Variants in NCK2 observed in about 807,000 individuals in gnomAD.
The protein encoded by NCK2 is cytoplasmic protein NCK2.
A neutral mutation model predicts 33.9 loss-of-function variants in NCK2; 16 were observed. The ratio of observed to expected loss-of-function variants is 0.47; its 90% CI spans 0.32 to 0.72. The LOEUF (loss-of-function observed/expected upper bound fraction) is 0.72, where lower values mean the gene tolerates loss of function less well. Among genes scored for constraint, NCK2 ranks in the 30% least tolerant of loss-of-function variants. The probability of loss-of-function intolerance (pLI) is 0.03; values close to 1 mark genes in which losing one functional copy is unlikely to be tolerated. For missense variants in NCK2, 418 were observed against 537.3 expected (o/e 0.78, Z 2.19); for synonymous variants, 273 against 239.9 (o/e 1.14, Z -1.27).
rs754745928 is a variant in NCK2, at chr2:105,871,099, G to A, written c.227-10229G>A. On this transcript the variant is annotated intron_variant, in intron 3 of 4. Transcript: ENST00000233154. ...ACAGGCCTGGAGGGTCGATGAGTGC[G>A]TGTGAAATCGGGGTGATGAGACAGC... Among the ~76,000 whole-genome samples the A allele has an allele frequency of 4.6e-5, 7 of 152,134 alleles. No individual in the cohort carries two copies. In the East Asian group the frequency reaches 5.8e-4, roughly 13 times the overall value.
chr2:105,879,669 C>T (rs1205396213), intron 3 of NCK2, among the ~76,000 whole-genome samples: 1 of 152,250 alleles, frequency 6.6e-6, no homozygotes, highest in Non-Finnish European at 1.5e-5. Flanking sequence ...CTCCTGGCGC[C>T]GCGTGGGCAC....
chr2:105,812,760 C>T (rs893482158), intron 1 of NCK2, among the ~76,000 whole-genome samples: 3 of 147,768 alleles, frequency 2.0e-5, no homozygotes, highest in African/African-American at 7.6e-5. Flanking sequence ...TTATGATACA[C>T]ACCCGAGTCC....
chr2:105,885,489 T>C (rs1378763644), intron 4 of NCK2, among the ~76,000 whole-genome samples: 1 of 152,242 alleles, frequency 6.6e-6, no homozygotes, highest in East Asian at 1.9e-4. Context: ...AAAACTCTAT[T>C]TTCAGGCAAT....
intron 2 of NCK2, among the ~76,000 whole-genome samples, chr2:105,851,419 A>G (rs1243764412): frequency 6.6e-6 from 1 of 151,860 alleles, no homozygotes; most frequent in Non-Finnish European, 1.5e-5. Context: ...GCGTGCCACC[A>G]CCCCCGGCTG....
chr2:105,804,527 AG>A (rs1229989126), intron 1 of NCK2, among the ~76,000 whole-genome samples: 5 of 152,240 alleles, frequency 3.3e-5, no homozygotes. Flanking sequence ...ATATTCAGAC[AG>A]AAATGGCTTA....
intron 2 of NCK2, among the ~76,000 whole-genome samples, chr2:105,854,243 A>G (rs1483357217): frequency 1.3e-5 from 2 of 152,158 alleles, no homozygotes; most frequent in African/African-American, 4.8e-5. Context: ...CAGTTTATGT[A>G]TCTATAAACT....
intron 1 of NCK2, among the ~76,000 whole-genome samples, chr2:105,792,428 T>C (rs1690919222): frequency 6.6e-6 from 1 of 152,238 alleles, no homozygotes; most frequent in Non-Finnish European, 1.5e-5. Context: ...CATCAATTCC[T>C]GTCCTGTAAA....
At chr2:105,774,011 C>CTTTTT (rs34519484) in intron 1 of NCK2, among the ~76,000 whole-genome samples, 1 of 142,616 alleles carries the variant, frequency 7.0e-6, no homozygotes. Context: ...TTCCAGCTAT[C>CTTTTT]TTTTTTTTTT....
At chr2:105,747,748 A>G (rs1481667302) in intron 1 of NCK2, among the ~76,000 whole-genome samples, 2 of 152,254 alleles carry the variant, frequency 1.3e-5, no homozygotes, top group African/African-American at 4.8e-5. Context: ...TCTGTTTCCT[A>G]AAATGAGTGA....
chr2:105,749,212 AAGTT>A (rs1689378231), intron 1 of NCK2, among the ~76,000 whole-genome samples: 1 of 152,192 alleles, frequency 6.6e-6, no homozygotes, highest in South Asian at 2.1e-4. Context: ...CTGGCCTGGT[AAGTT>A]AGTTATTTGT....
At chr2:105,872,302 G>A (rs1678047665) in intron 3 of NCK2, among the ~76,000 whole-genome samples, 1 of 152,166 alleles carries the variant, frequency 6.6e-6, no homozygotes, top group Non-Finnish European at 1.5e-5. Context: ...GGCCTGCCCT[G>A]TGCCCTTGCT....
At chr2:105,848,807 GAT>G (rs1248481534) in intron 2 of NCK2, among the ~76,000 whole-genome samples, 1 of 152,144 alleles carries the variant, frequency 6.6e-6, no homozygotes, top group East Asian at 1.9e-4. Flanking sequence ...TAAGGCATGA[GAT>G]ATTACAAAGA....
At chr2:105,779,505 G>C (rs1479062386) in intron 1 of NCK2, among the ~76,000 whole-genome samples, 2 of 152,168 alleles carry the variant, frequency 1.3e-5, no homozygotes, top group Non-Finnish European at 2.9e-5. Context: ...CACCTACCAA[G>C]TGGTGGGTGG....
intron 2 of NCK2, among the ~76,000 whole-genome samples, chr2:105,833,223 T>C (rs1172202078): frequency 2.6e-5 from 4 of 151,910 alleles, no homozygotes; most frequent in Admixed American, 1.3e-4. Context: ...ATCTCCCGAG[T>C]AGCTGGGATT....
At chr2:105,838,746 C>A (rs1219754223) in intron 2 of NCK2, among the ~76,000 whole-genome samples, 1 of 152,112 alleles carries the variant, frequency 6.6e-6, no homozygotes, top group Non-Finnish European at 1.5e-5. Flanking sequence ...CCATCAACAC[C>A]TACTGATGGA....
chr2:105,780,811 G>A (rs1371980358), intron 1 of NCK2, among the ~76,000 whole-genome samples: 4 of 152,206 alleles, frequency 2.6e-5, no homozygotes, highest in Non-Finnish European at 2.9e-5. Flanking sequence ...AGAAGCCGCC[G>A]TGTAGGAACC....
At chr2:105,786,689 C>T (rs574167673) in intron 1 of NCK2, among the ~76,000 whole-genome samples, 3 of 152,288 alleles carry the variant, frequency 2.0e-5, no homozygotes, top group Admixed American at 6.5e-5. Flanking sequence ...CCTGGGTCCC[C>T]GGGCAGGGCT....
At chr2:105,808,969 G>A (rs1275021141) in intron 1 of NCK2, among the ~76,000 whole-genome samples, 1 of 152,182 alleles carries the variant, frequency 6.6e-6, no homozygotes, top group Non-Finnish European at 1.5e-5. Context: ...GTTGAGATTG[G>A]ATGAGAAAGT....
At chr2:105,832,983 T>C (rs1197027433) in intron 2 of NCK2, among the ~76,000 whole-genome samples, 4 of 148,264 alleles carry the variant, frequency 2.7e-5, no homozygotes, top group African/African-American at 7.5e-5. Flanking sequence ...AGTCCTGGTC[T>C]TTTCTTTGTT....
Sources: gnomAD v4.1 joint callset for allele counts (sites outside exome capture counted in the v4.1 genomes callset) on GRCh38, gnomAD v4.1.1 for gene constraint, MANE v1.5 for transcripts, NCBI Gene and HGNC (gene_info 2026-07-23, HGNC 2026-07-21) for gene names.